The following SCHIP1 variants were observed in gnomAD, a reference collection of about 807,000 sequenced individuals.
SCHIP1 encodes schwannomin interacting protein 1.
Under a neutral mutation model 29.7 loss-of-function variants are expected in SCHIP1, and 8 were observed. The observed-to-expected ratio is 0.27, with a 90% CI of 0.16 to 0.49. The LOEUF (loss-of-function observed/expected upper bound fraction) is 0.49. Among genes scored for constraint, SCHIP1 ranks in the 20% least tolerant of loss-of-function variants. SCHIP1 has a pLI of 0.99. For synonymous variants in SCHIP1, 76 were observed against 94.9 expected (o/e 0.80, Z 1.16); for missense variants, 193 against 294.6 (o/e 0.66, Z 2.52).
the SCHIP1 span, among the ~76,000 whole-genome samples, chr3:159,828,368 TATATATACATATATATATAC>T: frequency 1.5e-3 from 168 of 115,662 alleles, 12 homozygotes; most frequent in Non-Finnish European, 1.6e-3. Flanking sequence ...CCTTTATATA[TATATATACATATATATATAC>T]ATATATACGT....
chr3:159,854,505 G>GC (rs1713075363), intron 1 of SCHIP1, among the ~76,000 whole-genome samples: 1 of 152,164 alleles, frequency 6.6e-6, no homozygotes, highest in South Asian at 2.1e-4. Context: ...TCAGTAACCT[G>GC]CCATGTTGCC....
At chr3:159,835,321 G>A (rs374633829), upstream of SCHIP1, among the ~76,000 whole-genome samples, 21 of 152,328 alleles carry the variant, frequency 1.4e-4, no homozygotes, top group East Asian at 1.5e-3. Context: ...AGTAACTGGG[G>A]TCAGGAACTG....
At chr3:159,823,937 C>T in the SCHIP1 span, among the ~76,000 whole-genome samples, 6 of 152,150 alleles carry the variant, frequency 3.9e-5, no homozygotes, top group Admixed American at 2.6e-4. Context: ...AACATGACCA[C>T]GGGACAGTCA....
At chr3:159,364,228 G>T in the SCHIP1 span, among the ~76,000 whole-genome samples, 1 of 152,166 alleles carries the variant, frequency 6.6e-6, no homozygotes, top group African/African-American at 2.4e-5. Flanking sequence ...GGAGTTTGAT[G>T]CAGTCTTCTA....
chr3:159,714,088 T>A, the SCHIP1 span, among the ~76,000 whole-genome samples: 1 of 152,016 alleles, frequency 6.6e-6, no homozygotes, highest in East Asian at 1.9e-4. Flanking sequence ...AATACAAAAA[T>A]TAGCCAAGCG....
the SCHIP1 span, among the ~76,000 whole-genome samples, chr3:159,541,341 A>T: frequency 2.0e-5 from 3 of 152,122 alleles, no homozygotes; most frequent in Non-Finnish European, 4.4e-5. Context: ...GGGCATAAAC[A>T]TTCTAAAATG....
chr3:159,844,721 G>T (rs1161714008), intron 1 of SCHIP1, among the ~76,000 whole-genome samples: 1 of 152,192 alleles, frequency 6.6e-6, no homozygotes. Context: ...TTGCTTAAAA[G>T]CTCTTAAATA....
At chr3:159,809,804 C>A in the SCHIP1 span, among the ~76,000 whole-genome samples, 1 of 152,028 alleles carries the variant, frequency 6.6e-6, no homozygotes, top group African/African-American at 2.4e-5. Flanking sequence ...AGTTCGAGAC[C>A]AGCCTGGGCA....
At chr3:159,295,386 G>A in the SCHIP1 span, among the ~76,000 whole-genome samples, 7 of 151,690 alleles carry the variant, frequency 4.6e-5, no homozygotes, top group South Asian at 2.1e-4. Context: ...CCGAGATCAC[G>A]CCATTGCACT....
At chr3:159,829,704 C>T in the SCHIP1 span, among the ~76,000 whole-genome samples, 1 of 152,150 alleles carries the variant, frequency 6.6e-6, no homozygotes, top group Non-Finnish European at 1.5e-5. Context: ...TCTGTACTGG[C>T]CTTTCTAAAA....
At chr3:159,863,363 TC>T (rs1157485037) in intron 1 of SCHIP1, among the ~76,000 whole-genome samples, 3 of 151,808 alleles carry the variant, frequency 2.0e-5, no homozygotes, top group Non-Finnish European at 4.4e-5. Flanking sequence ...GAGGCTAACT[TC>T]CATGTTATTT....
chr3:159,294,077 A>G, the SCHIP1 span, among the ~76,000 whole-genome samples: 13 of 152,276 alleles, frequency 8.5e-5, no homozygotes, highest in Non-Finnish European at 2.9e-5. Flanking sequence ...GCTGGACAGC[A>G]TGGACAAGTT....
intron 2 of SCHIP1, among the ~76,000 whole-genome samples, chr3:159,884,381 G>GTGTGTC (rs1439370987): frequency 2.4e-4 from 36 of 151,134 alleles, no homozygotes; most frequent in Middle Eastern, 6.8e-3. Context: ...GTGTGTGTGT[G>GTGTGTC]TGTGTGTGTT....
chr3:159,613,051 ATT>A, the SCHIP1 span, among the ~76,000 whole-genome samples: 1 of 152,212 alleles, frequency 6.6e-6, no homozygotes, highest in East Asian at 1.9e-4. Context: ...GCAACATGTC[ATT>A]TTTGGTCACA....
the SCHIP1 span, among the ~76,000 whole-genome samples, chr3:159,419,680 G>A: frequency 6.6e-6 from 1 of 152,028 alleles, no homozygotes; most frequent in Non-Finnish European, 1.5e-5. Context: ...GTGGTTGCAG[G>A]TGCCTGTAAT....
At chr3:159,748,777 A>C in the SCHIP1 span, among the ~76,000 whole-genome samples, 1 of 152,168 alleles carries the variant, frequency 6.6e-6, no homozygotes, top group Non-Finnish European at 1.5e-5. Flanking sequence ...TTCTGTTTTG[A>C]CCCTGTTCTC....
At chr3:159,426,089 A>AGGAAAGATCCAAAAT in the SCHIP1 span, among the ~76,000 whole-genome samples, 1 of 152,012 alleles carries the variant, frequency 6.6e-6, no homozygotes, top group African/African-American at 2.4e-5. Flanking sequence ...AAGAGAAAGC[A>AGGAAAGATCCAAAAT]GGAAAGATCC....
chr3:159,377,246 C>T, the SCHIP1 span, among the ~76,000 whole-genome samples: 3 of 152,192 alleles, frequency 2.0e-5, no homozygotes, highest in African/African-American at 7.2e-5. Context: ...AGTTTCCAAT[C>T]AAGACTGGGT....
At chr3:159,499,402 A>T in the SCHIP1 span, among the ~76,000 whole-genome samples, 3 of 152,228 alleles carry the variant, frequency 2.0e-5, no homozygotes, top group African/African-American at 4.8e-5. Flanking sequence ...CATACACCGT[A>T]ACTTTTCCTT....
Sources: gnomAD v4.1 joint callset for allele counts (sites outside exome capture counted in the v4.1 genomes callset) on GRCh38, gnomAD v4.1.1 for gene constraint, MANE v1.5 for transcripts, NCBI Gene and HGNC (gene_info 2026-07-23, HGNC 2026-07-21) for gene names.